Variants in SEMA6D observed in about 807,000 individuals in gnomAD.
SEMA6D encodes the protein semaphorin-6D.
SEMA6D carries 35 observed loss-of-function variants against 106.6 expected under a neutral mutation model. The observed-to-expected ratio is 0.33, with a 90% CI of 0.25 to 0.44. The LOEUF (loss-of-function observed/expected upper bound fraction) is 0.44, where lower values mean the gene tolerates loss of function less well. Among genes scored for constraint, SEMA6D ranks in the 20% least tolerant of loss-of-function variants. The probability of loss-of-function intolerance (pLI) is 1.00; values close to 1 mark genes in which losing one functional copy is unlikely to be tolerated. For synonymous variants in SEMA6D, 499 were observed against 487.7 expected (o/e 1.02, Z -0.31); for missense variants, 1,185 against 1,345.9 (o/e 0.88, Z 1.87).
At chr15:47,222,028 C>T (rs539032215) in intron 1 of SEMA6D, among the ~76,000 whole-genome samples, 341 of 152,148 alleles carry the variant, frequency 2.2e-3, no homozygotes, top group African/African-American at 7.6e-3. Flanking sequence ...CACAGACACA[C>T]GCATGCACAC....
intron 3 of SEMA6D, among the ~76,000 whole-genome samples, chr15:47,578,529 T>C (rs886311468): frequency 6.6e-6 from 1 of 152,236 alleles, no homozygotes; most frequent in African/African-American, 2.4e-5. Context: ...GATCTATGTA[T>C]AATAGAAAAC....
intron 2 of SEMA6D, among the ~76,000 whole-genome samples, chr15:47,416,896 C>T (rs946547711): frequency 2.6e-5 from 4 of 152,188 alleles, no homozygotes; most frequent in Admixed American, 6.6e-5. Flanking sequence ...ACCCGAGAAC[C>T]GCCATAACTG....
chr15:47,494,906 A>C (rs942697021), intron 3 of SEMA6D, among the ~76,000 whole-genome samples: 4 of 150,562 alleles, frequency 2.7e-5, no homozygotes, highest in Non-Finnish European at 5.9e-5. Flanking sequence ...GCATTTAATC[A>C]CAAACACAGT....
At chr15:47,446,534 C>A (rs543632534) in intron 2 of SEMA6D, among the ~76,000 whole-genome samples, 1 of 152,226 alleles carries the variant, frequency 6.6e-6, no homozygotes, top group Non-Finnish European at 1.5e-5. Flanking sequence ...TATGTTTAAA[C>A]TCTGGTGATC....
chr15:47,518,666 A>C (rs2044469797), intron 3 of SEMA6D, among the ~76,000 whole-genome samples: 3 of 152,224 alleles, frequency 2.0e-5, no homozygotes, highest in African/African-American at 7.2e-5. Context: ...TGATATACCT[A>C]TATAGGACAT....
chr15:47,676,564 C>T (rs1024591114), intron 4 of SEMA6D, among the ~76,000 whole-genome samples: 9 of 152,124 alleles, frequency 5.9e-5, no homozygotes, highest in South Asian at 2.1e-4. Context: ...TGCAATTTTA[C>T]GAATTCTGAC....
intron 1 of SEMA6D, among the ~76,000 whole-genome samples, chr15:47,246,675 G>A (rs1259079689): frequency 2.6e-5 from 4 of 152,096 alleles, no homozygotes; most frequent in South Asian, 2.1e-4. Flanking sequence ...GCTGGGAGAC[G>A]TTCTCTACTT....
rs1296202080 is a variant in SEMA6D, at chr15:47,766,099, A to G, written c.1569-6A>G. ...TCCAAGTTACATTCTGTTTGGTTTTACACAGGTCTTGTATTGCATCTCGTG... is the reference window on the plus strand; with the variant it reads ...TCCAAGTTACATTCTGTTTGGTTTTGCACAGGTCTTGTATTGCATCTCGTG... On this transcript the variant is annotated splice_polypyrimidine_tract_variant and splice_region_variant and intron_variant, in intron 14 of 18. Transcript: ENST00000536845. 2 of 1,613,566 alleles carry G rather than the reference A, an allele frequency of 1.2e-6. No individual in the cohort carries two copies. The highest frequency in any genetic ancestry group is 2.7e-5 in the African/African-American group (2 of 74,898).
At chr15:47,523,150 A>T (rs1300498972) in intron 3 of SEMA6D, among the ~76,000 whole-genome samples, 1 of 152,158 alleles carries the variant, frequency 6.6e-6, no homozygotes, top group Non-Finnish European at 1.5e-5. Context: ...CCAGAGAGCA[A>T]AGTGCTTGGG....
intron 2 of SEMA6D, among the ~76,000 whole-genome samples, chr15:47,440,174 C>T (rs539987362): frequency 1.6e-4 from 25 of 151,826 alleles, no homozygotes; most frequent in Non-Finnish European, 2.6e-4. Context: ...GAGGGAGGAA[C>T]GTGTCTAAGA....
intron 3 of SEMA6D, among the ~76,000 whole-genome samples, chr15:47,591,535 C>T (rs1026445646): frequency 6.6e-6 from 1 of 152,126 alleles, no homozygotes; most frequent in Non-Finnish European, 1.5e-5. Flanking sequence ...CTAGCTTCCC[C>T]CAGAGCAAGT....
At chr15:47,565,489 G>A (rs1000472363) in intron 3 of SEMA6D, among the ~76,000 whole-genome samples, 2 of 152,218 alleles carry the variant, frequency 1.3e-5, no homozygotes, top group African/African-American at 2.4e-5. Context: ...CCCATGTCAC[G>A]AGTCCTGCAA....
Position 47,357,062 on chromosome 15 carries a change from C to T in SEMA6D, c.-238-55331C>T, listed in dbSNP as rs187531467. On this transcript the variant is annotated intron_variant, in intron 1 of 19. Transcript: ENST00000558014. ...TAAAATGGGGCTGTGCGGCTGGATGCGGTGGCTCTCGTCTGTAATCCCAGC... is the reference window on the plus strand; with the variant it reads ...TAAAATGGGGCTGTGCGGCTGGATGTGGTGGCTCTCGTCTGTAATCCCAGC... 7.5e-4 allele frequency among the ~76,000 whole-genome samples: 113 copies of T among 151,534 alleles called. 1 individual carries two copies. Among genetic ancestry groups the T allele is most frequent in the African/African-American group, 2.4e-3 (100 of 41,264 alleles).
chr15:47,617,682 G>T (rs953505553), intron 4 of SEMA6D, among the ~76,000 whole-genome samples: 1 of 152,256 alleles, frequency 6.6e-6, no homozygotes, highest in Non-Finnish European at 1.5e-5. Flanking sequence ...TCCTGTGTTT[G>T]GTTTAGACTG....
At chr15:47,694,222 C>G (rs1299589312) in intron 4 of SEMA6D, among the ~76,000 whole-genome samples, 1 of 152,044 alleles carries the variant, frequency 6.6e-6, no homozygotes. Flanking sequence ...CTGAGAAATG[C>G]TCACATTTGA....
At chr15:47,518,313 G>A (rs2044454937) in intron 3 of SEMA6D, among the ~76,000 whole-genome samples, 1 of 152,174 alleles carries the variant, frequency 6.6e-6, no homozygotes, top group South Asian at 2.1e-4. Context: ...TGAAATACAG[G>A]ATAAGCCTTT....
At chr15:47,232,911 TAC>T (rs932819149) in intron 1 of SEMA6D, among the ~76,000 whole-genome samples, 8 of 151,662 alleles carry the variant, frequency 5.3e-5, no homozygotes, top group Non-Finnish European at 5.9e-5. Context: ...TGTTCTTGGA[TAC>T]ACACACACAC....
rs563749374 is a variant in SEMA6D, at chr15:47,285,992, A to T, written c.-239+101574A>T. 3.9e-5 allele frequency among the ~76,000 whole-genome samples: 6 copies of T among 152,320 alleles called. No homozygotes were observed. The East Asian group carries it at 1.2e-3, about 29-fold the overall frequency. ...CTTTTATGAGTGATAATTAACTAAGAACAACCAAGCTAGGCTTATGCGCCA... is the reference window on the plus strand; with the variant it reads ...CTTTTATGAGTGATAATTAACTAAGTACAACCAAGCTAGGCTTATGCGCCA... On this transcript the variant is annotated intron_variant, in intron 1 of 19. Transcript: ENST00000558014.
intron 1 of SEMA6D, among the ~76,000 whole-genome samples, chr15:47,206,996 C>A (rs1380083381): frequency 1.3e-5 from 2 of 152,088 alleles, no homozygotes; most frequent in East Asian, 1.9e-4. Flanking sequence ...GGAAAACCTA[C>A]CACTACTCAT....
Sources: gnomAD v4.1 joint callset for allele counts (sites outside exome capture counted in the v4.1 genomes callset) on GRCh38, gnomAD v4.1.1 for gene constraint, MANE v1.5 for transcripts, NCBI Gene and HGNC (gene_info 2026-07-23, HGNC 2026-07-21) for gene names.